CRIM1: variants seen among roughly 807,000 people sequenced by gnomAD.
CRIM1 encodes the protein cysteine-rich motor neuron 1 protein.
A neutral mutation model predicts 116.4 loss-of-function variants in CRIM1; 32 were observed. The ratio of observed to expected loss-of-function variants is 0.27; its 90% confidence interval spans 0.21 to 0.37. The LOEUF (loss-of-function observed/expected upper bound fraction) is 0.37. Among genes scored for constraint, CRIM1 ranks in the 10% least tolerant of loss-of-function variants. The pLI is 1.00. For missense variants in CRIM1, 1,331 were observed against 1,354.8 expected (o/e 0.98, Z 0.28); for synonymous variants, 590 against 509.2 (o/e 1.16, Z -2.13).
At position 36,404,191 on chromosome 2, in the gene CRIM1, C is replaced by T. The variant is rs79652501; in HGVS notation, c.505+7404C>T. Among the ~76,000 whole-genome samples, 1,172 of 152,176 alleles carry T rather than the reference C, an allele frequency of 7.7e-3. 44 individuals are homozygous for T. In the East Asian group the frequency reaches 0.088, roughly 11 times the overall value. ...TTGCTACTGTTAGCCAAGTGAAAGT[C>T]TAAAACACAATTGCCAGTGCCCATG... is the stretch of plus-strand genomic sequence containing the variant. On this transcript the variant is annotated intron_variant, in intron 2 of 16. Coordinates refer to ENST00000280527, the MANE Select transcript of CRIM1 (RefSeq NM_016441.3).
chr2:36,367,831 G>A (rs1315325770), intron 1 of CRIM1, among the ~76,000 whole-genome samples: 6 of 152,196 alleles, frequency 3.9e-5, no homozygotes, highest in Admixed American at 2.0e-4. Flanking sequence ...CATATTCACC[G>A]TGGCTGAGTC....
chr2:36,370,782 C>CT (rs1243401975), intron 1 of CRIM1, among the ~76,000 whole-genome samples: 1 of 152,064 alleles, frequency 6.6e-6, no homozygotes, highest in African/African-American at 2.4e-5. Flanking sequence ...GAACAGTGAA[C>CT]TTTTTTTCTT....
chr2:36,486,443 A>T (rs146533261), intron 7 of CRIM1, among the ~76,000 whole-genome samples: 1 of 152,298 alleles, frequency 6.6e-6, no homozygotes, highest in Non-Finnish European at 1.5e-5. Context: ...ACCAAGTTTT[A>T]CGAGTAAAAA....
At chr2:36,399,265 T>C (rs2148385781) in intron 2 of CRIM1, among the ~76,000 whole-genome samples, 1 of 152,246 alleles carries the variant, frequency 6.6e-6, no homozygotes, top group African/African-American at 2.4e-5. Context: ...AGAAAGAAGA[T>C]GGTGAAGTCA....
chr2:36,405,739 T>TTCATTG (rs1363206317), intron 2 of CRIM1, among the ~76,000 whole-genome samples: 1 of 152,204 alleles, frequency 6.6e-6, no homozygotes, highest in Admixed American at 6.5e-5. Flanking sequence ...CACTACTTCT[T>TTCATTG]TCATTGTTTT....
chr2:36,438,126 A>G (rs1675471148), intron 2 of CRIM1, among the ~76,000 whole-genome samples: 1 of 138,620 alleles, frequency 7.2e-6, no homozygotes, highest in Non-Finnish European at 1.5e-5. Flanking sequence ...GCAAGACTCC[A>G]TCTCAAAAAA....
At chr2:36,444,237 G>A (rs1426697861) in intron 4 of CRIM1, among the ~76,000 whole-genome samples, 4 of 152,176 alleles carry the variant, frequency 2.6e-5, no homozygotes, top group African/African-American at 9.7e-5. Context: ...GGCACGGTCA[G>A]CTATTTTTTC....
At chr2:36,365,466 A>C (rs1429493725) in intron 1 of CRIM1, among the ~76,000 whole-genome samples, 1 of 152,170 alleles carries the variant, frequency 6.6e-6, no homozygotes, top group Non-Finnish European at 1.5e-5. Context: ...CGATTCAGAG[A>C]CCACTGCGGG....
At chr2:36,486,376 T>C (rs1679818334) in intron 7 of CRIM1, among the ~76,000 whole-genome samples, 1 of 152,206 alleles carries the variant, frequency 6.6e-6, no homozygotes, top group Non-Finnish European at 1.5e-5. Context: ...ATGTCTTTGC[T>C]TGTGTCGGTA....
At chr2:36,430,536 G>A (rs561121273) in intron 2 of CRIM1, among the ~76,000 whole-genome samples, 44 of 152,196 alleles carry the variant, frequency 2.9e-4, no homozygotes, top group Non-Finnish European at 5.6e-4. Context: ...CATATTTGTA[G>A]TCTCTGGGTG....
At chr2:36,485,963 C>T (rs768984719) in intron 7 of CRIM1, among the ~76,000 whole-genome samples, 2 of 152,138 alleles carry the variant, frequency 1.3e-5, no homozygotes, top group African/African-American at 2.4e-5. Context: ...CAAATAAGGT[C>T]ATATGTTGGG....
chr2:36,467,941 G>A (rs956992730), intron 5 of CRIM1, among the ~76,000 whole-genome samples: 6 of 152,198 alleles, frequency 3.9e-5, no homozygotes, highest in African/African-American at 7.2e-5. Context: ...GCTTAATTGC[G>A]TTAACACCAC....
In CRIM1 at chr2:36,472,603, T is replaced by A. The variant is rs116663209; in HGVS notation, c.992-4286T>A. ...AGTCCACTTGAAGCAGCTTTATTCA[T>A]AACCAGAACCTGCCCTCCACACTTC... On this transcript the variant is annotated intron_variant, in intron 5 of 16. Transcript: ENST00000280527. 2.3e-3 allele frequency among the ~76,000 whole-genome samples: 351 copies of A among 152,298 alleles called. 2 individuals are homozygous for A. Among genetic ancestry groups the A allele is most frequent in the African/African-American group, 8.0e-3 (332 of 41,562 alleles).
At chr2:36,417,251 C>CT in intron 2 of CRIM1, among the ~76,000 whole-genome samples, 1 of 152,316 alleles carries the variant, frequency 6.6e-6, no homozygotes, top group East Asian at 1.9e-4. Context: ...CCCCTACTGT[C>CT]TCGCCCACCA....
chr2:36,522,395 A>T, intron 13 of CRIM1, 82 bp downstream of exon 13: 1 of 1,135,824 alleles, frequency 8.8e-7, no homozygotes, highest in Non-Finnish European at 1.3e-6. Context: ...AGATCAATTA[A>T]TATTTTTGAA....
intron 6 of CRIM1, among the ~76,000 whole-genome samples, chr2:36,477,624 A>G (rs848546): frequency 0.41 from 62,907 of 152,012 alleles, 14,626 homozygotes; most frequent in African/African-American, 0.6. Context: ...GGTGACACCA[A>G]CTCAAGGCCC....
intron 1 of CRIM1, among the ~76,000 whole-genome samples, chr2:36,363,660 A>G (rs1558500517): frequency 6.7e-6 from 1 of 150,190 alleles, no homozygotes; most frequent in Non-Finnish European, 1.5e-5. Context: ...GTAACCATTT[A>G]TCTGTGAACA....
chr2:36,499,136 T>A, intron 7 of CRIM1, 83 bp from the exon 8 acceptor site: 2 of 1,017,806 alleles, frequency 2.0e-6, no homozygotes, highest in Non-Finnish European at 3.0e-6. Context: ...TGTAACATTA[T>A]GGTGTGGAAT....
chr2:36,498,264 G>A (rs923587062), intron 7 of CRIM1, among the ~76,000 whole-genome samples: 1 of 152,154 alleles, frequency 6.6e-6, no homozygotes, highest in African/African-American at 2.4e-5. Flanking sequence ...AGCAGATTTT[G>A]TGTTGCACAG....
Sources: gnomAD v4.1 joint callset for allele counts (sites outside exome capture counted in the v4.1 genomes callset) on GRCh38, gnomAD v4.1.1 for gene constraint, MANE v1.5 for transcripts, NCBI Gene and HGNC (gene_info 2026-07-23, HGNC 2026-07-21) for gene names.